Variants in SHROOM4 observed in about 807,000 individuals in gnomAD.
SHROOM4 encodes the protein shroom family member 4.
Under a neutral mutation model 80.3 loss-of-function variants are expected in SHROOM4, and 17 were observed. The ratio of observed to expected loss-of-function variants is 0.21; its 90% confidence interval spans 0.14 to 0.32. SHROOM4 has a LOEUF of 0.32. SHROOM4 is among the 10% of genes least tolerant of loss of function. The pLI, the probability that SHROOM4 is intolerant of heterozygous loss-of-function variation, is 1.00. For synonymous variants in SHROOM4, 400 were observed against 437.5 expected, an observed-to-expected ratio of 0.91 and a Z score of 1.07; for missense variants, 993 against 1,140.3, an observed-to-expected ratio of 0.87 and a Z score of 1.86.
At chrX:50,757,577 C>G (rs782698802) in intron 1 of SHROOM4, among the ~76,000 whole-genome samples, 1 of 112,033 alleles carries the variant, frequency 8.9e-6, no homozygotes, top group East Asian at 2.8e-4. Flanking sequence ...AATCCCAGCA[C>G]TTTGGGAGGC....
chrX:50,760,756 G>C (rs1557268815), intron 1 of SHROOM4, among the ~76,000 whole-genome samples: 1 of 111,550 alleles, frequency 9.0e-6, no homozygotes, highest in Non-Finnish European at 1.9e-5. Context: ...TAACCTATTT[G>C]TATCTTTGAA....
At chrX:50,703,677 A>T (rs1461867985) in intron 1 of SHROOM4, among the ~76,000 whole-genome samples, 1 of 111,577 alleles carries the variant, frequency 9.0e-6, no homozygotes, top group Non-Finnish European at 1.9e-5. Flanking sequence ...GCTCTCTCTC[A>T]CCTGATGCCA....
intron 1 of SHROOM4, among the ~76,000 whole-genome samples, chrX:50,776,756 A>G (rs782708859): frequency 5.5e-5 from 6 of 108,901 alleles, no homozygotes; most frequent in Non-Finnish European, 9.5e-5. Context: ...TGGCATGATC[A>G]TGGCTCACTG....
chrX:50,588,870 T>C lies in SHROOM4; in HGVS notation c.*7825A>G, dbSNP rs782012793. 7.1e-5 allele frequency among the ~76,000 whole-genome samples: 8 copies of C among 112,387 alleles called. No homozygotes were observed. Among genetic ancestry groups the C allele is most frequent in the Non-Finnish European group, 1.1e-4 (6 of 53,254 alleles). On this transcript the variant is annotated 3_prime_UTR_variant, in exon 9 of 9. Transcript: ENST00000376020. ...GGTGGGGCTTTTATTAGCCCCCTTC[T>C]GTAGATGAAGGTATTAAGGTTGAGA... is the stretch of plus-strand genomic sequence containing the variant.
intron 4 of SHROOM4, among the ~76,000 whole-genome samples, chrX:50,630,412 C>A (rs1428559703): frequency 9.0e-6 from 1 of 111,589 alleles, no homozygotes; most frequent in African/African-American, 3.3e-5. Context: ...ATCACTTAAT[C>A]CCCACAACCA....
chrX:50,646,529 T>TGTGTGC (rs1276704967), intron 2 of SHROOM4, among the ~76,000 whole-genome samples: 9 of 24,755 alleles, frequency 3.6e-4, no homozygotes, highest in African/African-American at 1.4e-3. Context: ...GGGGGAAGAG[T>TGTGTGC]GTGTGTGTGT....
chrX:50,615,963 C>T (rs1557250727), intron 5 of SHROOM4, among the ~76,000 whole-genome samples: 1 of 112,491 alleles, frequency 8.9e-6, no homozygotes, highest in Non-Finnish European at 1.9e-5. Flanking sequence ...CCCTACAGTG[C>T]TCAAAGAGCA....
chrX:50,617,036 A>T (rs1465510422), intron 5 of SHROOM4, among the ~76,000 whole-genome samples: 1 of 111,985 alleles, frequency 8.9e-6, no homozygotes, highest in Non-Finnish European at 1.9e-5. Context: ...ATAACAATCA[A>T]ATTTACCACA....
intron 4 of SHROOM4, among the ~76,000 whole-genome samples, chrX:50,628,318 C>T (rs1930897236): frequency 9.0e-6 from 1 of 111,337 alleles, no homozygotes; most frequent in Non-Finnish European, 1.9e-5. Flanking sequence ...AGACTCTCTA[C>T]CCTGGGCATT....
At chrX:50,579,253 A>G in the SHROOM4 span, among the ~76,000 whole-genome samples, 1 of 112,234 alleles carries the variant, frequency 8.9e-6, no homozygotes, top group African/African-American at 3.2e-5. Context: ...AAGAAGAAAA[A>G]TATAAGTGAT....
intron 5 of SHROOM4, among the ~76,000 whole-genome samples, chrX:50,618,939 G>T (rs1557251478): frequency 9.0e-6 from 1 of 111,699 alleles, no homozygotes. Flanking sequence ...TCATCCTCGG[G>T]CGTCCATGAA....
intron 5 of SHROOM4, among the ~76,000 whole-genome samples, chrX:50,623,610 G>A (rs981499628): frequency 1.8e-5 from 2 of 111,770 alleles, no homozygotes; most frequent in Non-Finnish European, 3.8e-5. Flanking sequence ...TTTAGAAAAC[G>A]GGCAGTTCCT....
intron 2 of SHROOM4, among the ~76,000 whole-genome samples, chrX:50,657,315 C>G (rs1575114): frequency 0.39 from 42,787 of 110,173 alleles, 7,441 homozygotes; most frequent in Middle Eastern, 0.54. Context: ...AAAATGGGTG[C>G]CCTTGTCTTG....
At chrX:50,712,398 G>A (rs1303214029) in intron 1 of SHROOM4, among the ~76,000 whole-genome samples, 1 of 111,580 alleles carries the variant, frequency 9.0e-6, no homozygotes, top group Non-Finnish European at 1.9e-5. Context: ...ATAGTAAATA[G>A]TAATTTCATT....
In SHROOM4 at chrX:50,670,149, G is replaced by A. The variant is rs188201988; in HGVS notation, c.269+25637C>T. Among the ~76,000 whole-genome samples, 21 of 109,443 alleles carry A rather than the reference G, an allele frequency of 1.9e-4. No individual in the cohort carries two copies. In the East Asian group the frequency reaches 4.9e-3, roughly 25 times the overall value. ...TTATACTTTAAGTTCTGGGGTACAT[G>A]TGCAGAATGTGCAGGTTTGTTACAT... On this transcript the variant is annotated intron_variant, in intron 2 of 8. Coordinates refer to ENST00000376020, the MANE Select transcript of SHROOM4 (RefSeq NM_020717.5).
intron 2 of SHROOM4, among the ~76,000 whole-genome samples, chrX:50,649,351 G>A (rs373012225): frequency 1.3e-4 from 15 of 112,047 alleles, no homozygotes; most frequent in Middle Eastern, 4.6e-3. Context: ...GGAGGCAGCC[G>A]AGGCTGTTGC....
chrX:50,661,312 G>A lies in SHROOM4; in HGVS notation c.270-23004C>T, dbSNP rs1351333395. Among the ~76,000 whole-genome samples the A allele has an allele frequency of 4.5e-5, 5 of 111,024 alleles. 1 individual carries two copies. The highest frequency in any genetic ancestry group is 1.6e-4 in the African/African-American group (5 of 30,533). On this transcript the variant is annotated intron_variant, in intron 2 of 8. Coordinates refer to ENST00000376020, the MANE Select transcript of SHROOM4 (RefSeq NM_020717.5). ...CCACTCACTGCAACCTCTGCCTCCA[G>A]GATTCAAGTGATTCTCATGGGATTA...
intron 4 of SHROOM4, among the ~76,000 whole-genome samples, chrX:50,629,633 G>A (rs1337380947): frequency 9.0e-6 from 1 of 111,549 alleles, no homozygotes; most frequent in East Asian, 2.8e-4. Flanking sequence ...CTGAGCCTTG[G>A]CTTTCTCAGC....
At chrX:50,810,477 A>C (rs1936308288) in intron 1 of SHROOM4, among the ~76,000 whole-genome samples, 1 of 111,035 alleles carries the variant, frequency 9.0e-6, no homozygotes, top group South Asian at 3.8e-4. Flanking sequence ...TTTTTTCCAC[A>C]AAGGAGGTTC....
Sources: allele counts gnomAD v4.1 joint callset (sites outside exome capture counted in the v4.1 genomes callset), GRCh38; gene constraint gnomAD v4.1.1; transcripts MANE v1.5; gene names NCBI Gene and HGNC (gene_info 2026-07-23, HGNC 2026-07-21).